The following RS1 variants were observed in gnomAD, a reference collection of about 807,000 sequenced individuals.
The protein encoded by RS1 is retinoschisin 1.
In RS1, 2 loss-of-function variants were observed where a neutral mutation model predicts 20.8. The observed-to-expected ratio is 0.10, with a 90% CI of 0.04 to 0.30. RS1 has a LOEUF of 0.30. RS1 is among the 10% of genes least tolerant of loss of function. RS1 has a pLI of 1.00. For missense variants in RS1, 151 were observed against 189.8 expected (o/e 0.80, Z 1.20); for synonymous variants, 70 against 75.8 (o/e 0.92, Z 0.40).
chrX:18,646,217 A>G, intron 4 of RS1: 1 of 1,037,765 alleles, frequency 9.6e-7, no homozygotes, highest in Non-Finnish European at 1.3e-6. Flanking sequence ...AGTGGCACAC[A>G]ATCTCGGCTC....
intron 1 of RS1, 41 bp downstream of exon 1, chrX:18,671,976 A>G: frequency 9.3e-7 from 1 of 1,069,750 alleles, no homozygotes; most frequent in Non-Finnish European, 1.3e-6. Context: ...TAAATTATGT[A>G]TTAAGTATGC....
intron 5 of RS1, among the ~76,000 whole-genome samples, chrX:18,642,904 C>T (rs924650453): frequency 2.4e-4 from 26 of 110,119 alleles, no homozygotes; most frequent in Non-Finnish European, 4.4e-4. Flanking sequence ...ATTAGCCAGG[C>T]GCAGTGGCAG....
At position 18,641,967 on chromosome X, in the gene RS1, C is replaced by CA; in HGVS notation, c.*36dup. On this transcript the variant is annotated 3_prime_UTR_variant, in exon 6 of 6. Transcript: ENST00000379984. The stretch of plus-strand genomic sequence containing the variant: ...GGGTCCCCTACGGCCCGCTCTGTGC[C>CA]AGTCACCCCCTGGCAGGCGCCGAGC... 3 of 1,207,772 alleles carry CA rather than the reference C, an allele frequency of 2.5e-6. No homozygotes were observed. Among genetic ancestry groups the CA allele is most frequent in the Non-Finnish European group, 3.4e-6 (3 of 893,537 alleles).
intron 3 of RS1, chrX:18,650,267 G>C (rs755597463): frequency 5.4e-6 from 3 of 552,568 alleles, no homozygotes; most frequent in African/African-American, 4.5e-5. Flanking sequence ...CTAAAGACCC[G>C]TGTGTCCAGA....
At position 18,647,283 on chromosome X, in the gene RS1, C is replaced by T. The variant is rs183092299; in HGVS notation, c.234G>A (p.Pro78=). ...CCGGGTTAGAGCAGGTGATCTGGTC[C>T]GGTGTGACCTCCCCTGACTCGAAAC... ...PLGFESGEVT[P]DQITCSNPEQ... is the part of the protein sequence containing the mutation. Residue 78 remains proline, a synonymous_variant, in exon 4 of 6, where the codon CCG becomes CCA. Transcript: ENST00000379984. 6.5e-5 allele frequency: 78 copies of T among 1,208,490 alleles called. No individual in the cohort carries two copies. Among genetic ancestry groups the T allele is most frequent in the East Asian group, 4.1e-4 (14 of 33,751 alleles).
At chrX:18,650,031 G>A in intron 3 of RS1, 1 of 267,678 alleles carries the variant, frequency 3.7e-6, no homozygotes, top group Admixed American at 5.1e-5. Context: ...AGGCAGAGGG[G>A]AAGGGAAAAA....
At chrX:18,669,009 C>A (rs955996176) in intron 1 of RS1, among the ~76,000 whole-genome samples, 3 of 111,861 alleles carry the variant, frequency 2.7e-5, no homozygotes, top group East Asian at 5.6e-4. Context: ...TTTAAAAAAA[C>A]CCCTGCAATC....
rs753767629 is a variant in RS1, at chrX:18,640,434, A to ACCC, written c.*1567_*1569dup. 16 of 49,190 alleles carry ACCC rather than the reference A, an allele frequency of 3.3e-4. No homozygotes were observed. Among genetic ancestry groups the ACCC allele is most frequent in the East Asian group, 2.7e-3 (3 of 1,100 alleles). 4.1% of individuals were successfully genotyped at this position (49,190 alleles called of 1,213,427 possible). A position where few individuals can be genotyped will look rare whatever the true frequency, so the allele number is the denominator to read the frequency against. On this transcript the variant is annotated 3_prime_UTR_variant, in exon 6 of 6. Transcript: ENST00000379984. Reference sequence around the variant, plus strand: ...CCTAAGGCCAGGGATAAGTCCCCCCACCCCCCCCCCCCACCCCCAACACCC... The same window carrying ACCC: ...CCTAAGGCCAGGGATAAGTCCCCCCACCCCCCCCCCCCCCCACCCCCAACACCC...
chrX:18,664,787 T>A (rs1445936473), intron 1 of RS1, among the ~76,000 whole-genome samples: 2 of 111,263 alleles, frequency 1.8e-5, no homozygotes, highest in Admixed American at 9.6e-5. Context: ...CTATCTCACC[T>A]CACTGCAGCC....
In RS1 at chrX:18,641,698, C is replaced by G. The variant is rs774583585; in HGVS notation, c.*306G>C. 3 of 316,582 alleles carry G rather than the reference C, an allele frequency of 9.5e-6. No homozygotes were observed. The highest frequency in any genetic ancestry group is 1.7e-5 in the Non-Finnish European group (3 of 178,660). 26.1% of individuals were successfully genotyped at this position (316,582 alleles called of 1,213,427 possible). On this transcript the variant is annotated 3_prime_UTR_variant, in exon 6 of 6. Transcript: ENST00000379984. The stretch of plus-strand genomic sequence containing the variant: ...TGTTCCCCTGAGACTGCACCTTTCA[C>G]AGTATCACTGAGACAAAAAATGAGC...
chrX:18,669,885 A>G (rs1301342831), intron 1 of RS1, among the ~76,000 whole-genome samples: 1 of 112,051 alleles, frequency 8.9e-6, no homozygotes, highest in East Asian at 2.8e-4. Flanking sequence ...GGCCTGCGTT[A>G]AGCAAGTAAG....
At chrX:18,664,098 C>G (rs952778550) in intron 1 of RS1, among the ~76,000 whole-genome samples, 4 of 112,154 alleles carry the variant, frequency 3.6e-5, no homozygotes, top group Non-Finnish European at 7.5e-5. Flanking sequence ...ACTCCAAAAC[C>G]AAAAACATGT....
intron 4 of RS1, among the ~76,000 whole-genome samples, chrX:18,646,559 G>A (rs774740396): frequency 2.7e-4 from 30 of 112,207 alleles, no homozygotes; most frequent in African/African-American, 9.4e-4. Context: ...TAACTAATAC[G>A]CACTCAGGGT....
At chrX:18,658,019 A>C (rs1928249362) in intron 1 of RS1, among the ~76,000 whole-genome samples, 1 of 110,439 alleles carries the variant, frequency 9.1e-6, no homozygotes, top group South Asian at 3.9e-4. Flanking sequence ...AAAATACAAA[A>C]ATTAGCTGGG....
chrX:18,651,264 T>TGTGTGTGA (rs1491242962), intron 3 of RS1, among the ~76,000 whole-genome samples: 5 of 69,008 alleles, frequency 7.2e-5, no homozygotes, highest in African/African-American at 2.5e-4. Context: ...TGTGTGTGTG[T>TGTGTGTGA]GAGAGAGAGA....
At chrX:18,647,583 C>A (rs1048365787) in intron 3 of RS1, 10 of 387,682 alleles carry the variant, frequency 2.6e-5, no homozygotes, top group African/African-American at 2.5e-4. Flanking sequence ...AGGGAAGTGG[C>A]TCTATGGCAA....
At chrX:18,652,338 T>C (rs901093228) in intron 3 of RS1, among the ~76,000 whole-genome samples, 1 of 112,184 alleles carries the variant, frequency 8.9e-6, no homozygotes, top group East Asian at 2.8e-4. Flanking sequence ...ATTGAGTAGA[T>C]GCTAGAAGGC....
chrX:18,658,988 G>T (rs1928268190), intron 1 of RS1, among the ~76,000 whole-genome samples: 1 of 111,602 alleles, frequency 9.0e-6, no homozygotes, highest in South Asian at 3.7e-4. Flanking sequence ...TATACATAAT[G>T]TGGGAAAATT....
At chrX:18,651,227 G>A in intron 3 of RS1, among the ~76,000 whole-genome samples, 1 of 65,972 alleles carries the variant, frequency 1.5e-5, no homozygotes, top group South Asian at 7.3e-4. Context: ...GCAAGTGTGT[G>A]TGTGTGTGTG....
Sources: gnomAD v4.1 joint callset for allele counts (sites outside exome capture counted in the v4.1 genomes callset) on GRCh38, gnomAD v4.1.1 for gene constraint, MANE v1.5 for transcripts, NCBI Gene and HGNC (gene_info 2026-07-23, HGNC 2026-07-21) for gene names.